SHCBP1: variants seen among roughly 807,000 people sequenced by gnomAD.
SHCBP1 encodes SHC SH2 domain-binding protein 1.
SHCBP1 carries 60 observed loss-of-function variants against 75.1 expected under a neutral mutation model. That is an observed-to-expected ratio of 0.80 (90% CI 0.65 to 0.99). The LOEUF (loss-of-function observed/expected upper bound fraction) is 0.99, where lower values mean the gene tolerates loss of function less well. Among genes scored for constraint, SHCBP1 ranks in the 50% least tolerant of loss-of-function variants. The probability of loss-of-function intolerance (pLI) is 0.00; values close to 1 mark genes in which losing one functional copy is unlikely to be tolerated. For missense variants in SHCBP1, 709 were observed against 809.4 expected (o/e 0.88, Z 1.50); for synonymous variants, 290 against 293.2 (o/e 0.99, Z 0.11).
intron 1 of SHCBP1, among the ~76,000 whole-genome samples, chr16:46,618,948 C>T (rs1195733000): frequency 6.6e-6 from 1 of 152,204 alleles, no homozygotes; most frequent in Non-Finnish European, 1.5e-5. Context: ...CCATAAAGCT[C>T]CTTTAAGAAA....
Position 46,583,766 on chromosome 16 carries a change from T to A in SHCBP1, c.1552-109A>T, listed in dbSNP as rs531883719. On this transcript the variant is annotated intron_variant, in intron 11 of 12. Coordinates refer to ENST00000303383, the MANE Select transcript of SHCBP1 (RefSeq NM_024745.5). ...AAAAATAAAAGGAAAAAGCTATGTTTAGTCCCATGTTGTAGCACAGTCTGC... is the reference window on the plus strand; with the variant it reads ...AAAAATAAAAGGAAAAAGCTATGTTAAGTCCCATGTTGTAGCACAGTCTGC... 1.1e-3 allele frequency: 1,471 copies of A among 1,320,120 alleles called. 3 individuals are homozygous for A. Among genetic ancestry groups the A allele is most frequent in the Non-Finnish European group, 1.4e-3 (1,345 of 960,964 alleles). 81.8% of individuals were successfully genotyped at this position (1,320,120 alleles called of 1,614,324 possible). A position where few individuals can be genotyped will look rare whatever the true frequency, so the allele number is the denominator to read the frequency against.
intron 5 of SHCBP1, among the ~76,000 whole-genome samples, chr16:46,607,812 C>G (rs1965347571): frequency 6.6e-6 from 1 of 152,196 alleles, no homozygotes; most frequent in South Asian, 2.1e-4. Flanking sequence ...TCTGCTAGTT[C>G]AGCCTGCTGT....
At chr16:46,596,073 A>G (rs1015482001) in intron 9 of SHCBP1, among the ~76,000 whole-genome samples, 2 of 152,160 alleles carry the variant, frequency 1.3e-5, no homozygotes, top group African/African-American at 2.4e-5. Context: ...GAGAAAACAG[A>G]CCACAACACT....
intron 2 of SHCBP1, 54 bp downstream of exon 2, chr16:46,618,151 G>A: frequency 1.3e-6 from 2 of 1,523,696 alleles, no homozygotes; most frequent in Non-Finnish European, 1.8e-6. Flanking sequence ...ACTCCAGCCT[G>A]GACAACAAGA....
At chr16:46,593,006 T>C (rs923752025) in intron 10 of SHCBP1, among the ~76,000 whole-genome samples, 1 of 96,476 alleles carries the variant, frequency 1.0e-5, no homozygotes, top group Non-Finnish European at 2.1e-5. Flanking sequence ...ATAACGAATA[T>C]CTAAAAACCT....
chr16:46,619,665 C>CT (rs905678254), intron 1 of SHCBP1, among the ~76,000 whole-genome samples: 46 of 151,874 alleles, frequency 3.0e-4, no homozygotes, highest in African/African-American at 9.4e-4. Context: ...CAGCACCATT[C>CT]TTTTTTTTTC....
At chr16:46,608,689 C>T (rs149851174) in intron 4 of SHCBP1, among the ~76,000 whole-genome samples, 2,543 of 150,596 alleles carry the variant, frequency 0.017, 74 homozygotes, top group African/African-American at 0.058. Context: ...CTGCAACCTC[C>T]GCCTCCTGGG....
At chr16:46,584,753 C>T (rs1296636275) in intron 10 of SHCBP1, among the ~76,000 whole-genome samples, 1 of 152,112 alleles carries the variant, frequency 6.6e-6, no homozygotes, top group Non-Finnish European at 1.5e-5. Context: ...AATTTCTTTC[C>T]TAATGCTATG....
intron 4 of SHCBP1, among the ~76,000 whole-genome samples, chr16:46,614,091 T>C (rs1965459436): frequency 6.6e-6 from 1 of 152,218 alleles, no homozygotes; most frequent in Non-Finnish European, 1.5e-5. Flanking sequence ...TTTTTTTTAA[T>C]GAGAAAAATA....
intron 10 of SHCBP1, among the ~76,000 whole-genome samples, chr16:46,587,001 C>T (rs1362999211): frequency 6.6e-6 from 1 of 151,042 alleles, no homozygotes; most frequent in Non-Finnish European, 1.5e-5. Flanking sequence ...CCTGGAACAT[C>T]AAAAAGAAAA....
At position 46,618,392 on chromosome 16, in the gene SHCBP1, A is replaced by C. The variant is rs749127272; in HGVS notation, c.104-20T>G. The C allele has an allele frequency of 1.6e-5, 25 of 1,566,572 alleles. No individual in the cohort carries two copies. In the South Asian group the frequency reaches 3.0e-4, roughly 19 times the overall value. On this transcript the variant is annotated intron_variant, in intron 1 of 12. Transcript: ENST00000303383. ...ACAAACCTAAAAAAAAAAAGCAAAAATAAGCAAGCTCCAGTGCCTTATTTG... is the reference window on the plus strand; with the variant it reads ...ACAAACCTAAAAAAAAAAAGCAAAACTAAGCAAGCTCCAGTGCCTTATTTG...
chr16:46,603,837 A>G, intron 7 of SHCBP1, 138 bp downstream of exon 7: 1 of 1,284,356 alleles, frequency 7.8e-7, no homozygotes. Flanking sequence ...CTGCTGATGA[A>G]AGGCAGGGCT....
rs143689428 is a variant in SHCBP1 at position 46,613,723 on chromosome 16, G to A, written c.596+2223C>T. Among the ~76,000 whole-genome samples, 23 of 152,278 alleles carry A rather than the reference G, an allele frequency of 1.5e-4. No homozygotes were observed. The South Asian group carries it at 3.3e-3, about 22-fold the overall frequency. On this transcript the variant is annotated intron_variant, in intron 4 of 12. Transcript: ENST00000303383. The stretch of plus-strand genomic sequence containing the variant: ...TTTCCAATCATGCAGACATCTGTGC[G>A]TGATTATTTCATCAAGGCTCATCTC...
At chr16:46,606,345 G>C (rs1203016241) in intron 5 of SHCBP1, among the ~76,000 whole-genome samples, 2 of 152,100 alleles carry the variant, frequency 1.3e-5, no homozygotes, top group African/African-American at 4.8e-5. Context: ...TCCTATCTTA[G>C]CCCAGAGACC....
chr16:46,584,272 G>A, intron 10 of SHCBP1, 183 bp from the exon 11 acceptor site: 1 of 425,130 alleles, frequency 2.4e-6, no homozygotes, highest in Admixed American at 3.9e-5. Context: ...TTTCTAGCAA[G>A]TTGTTGACAA....
chr16:46,600,755 G>A (rs1460682373), intron 8 of SHCBP1, among the ~76,000 whole-genome samples: 2 of 152,214 alleles, frequency 1.3e-5, no homozygotes, highest in East Asian at 1.9e-4. Flanking sequence ...GCGCACGCCT[G>A]TAATCCCAGC....
At chr16:46,617,789 A>G (rs1219831675) in intron 2 of SHCBP1, 40 bp from the exon 3 acceptor site, 1 of 1,444,138 alleles carries the variant, frequency 6.9e-7, no homozygotes, top group Middle Eastern at 2.4e-4. Context: ...GAGAATGCAT[A>G]AAGCAGAGGG....
intron 5 of SHCBP1, among the ~76,000 whole-genome samples, chr16:46,606,853 C>T (rs1965333479): frequency 6.6e-6 from 1 of 150,778 alleles, no homozygotes; most frequent in Non-Finnish European, 1.5e-5. Context: ...CAAAGTCTTG[C>T]TCTGTCACCT....
intron 4 of SHCBP1, 108 bp downstream of exon 4, chr16:46,615,838 C>T: frequency 1.1e-6 from 1 of 892,750 alleles, no homozygotes; most frequent in Non-Finnish European, 1.8e-6. Context: ...ATTGCAATGA[C>T]CAAGTTTACA....
Sources: allele counts gnomAD v4.1 joint callset (sites outside exome capture counted in the v4.1 genomes callset), GRCh38; gene constraint gnomAD v4.1.1; transcripts MANE v1.5; gene names NCBI Gene and HGNC (gene_info 2026-07-23, HGNC 2026-07-21).